PTPRK: variants seen among roughly 807,000 people sequenced by gnomAD.
The protein encoded by PTPRK is receptor-type tyrosine-protein phosphatase kappa.
PTPRK carries 75 observed loss-of-function variants against 178.0 expected under a neutral mutation model. The observed-to-expected ratio is 0.42, with a 90% CI of 0.35 to 0.51. The LOEUF (loss-of-function observed/expected upper bound fraction) is 0.51. Ranked by LOEUF, PTPRK falls within the 20% of genes least tolerant of loss-of-function variation. PTPRK has a pLI of 0.02. For synonymous variants in PTPRK, 637 were observed against 620.6 expected (o/e 1.03, Z -0.39); for missense variants, 1,441 against 1,797.8 (o/e 0.80, Z 3.59).
intron 29 of PTPRK, among the ~76,000 whole-genome samples, chr6:127,970,893 CTATTT>C (rs1773827305): frequency 6.6e-6 from 1 of 151,274 alleles, no homozygotes; most frequent in African/African-American, 2.4e-5. Flanking sequence ...ATTTTTTTCT[CTATTT>C]TATAATGCTA....
intron 1 of PTPRK, among the ~76,000 whole-genome samples, chr6:128,445,669 A>AT (rs1222406002): frequency 1.3e-5 from 2 of 152,064 alleles, no homozygotes; most frequent in Admixed American, 6.6e-5. Flanking sequence ...TATATATTTG[A>AT]TTTTTTTAAA....
intron 3 of PTPRK, among the ~76,000 whole-genome samples, chr6:128,262,928 T>C (rs1472700296): frequency 6.7e-6 from 1 of 150,086 alleles, no homozygotes; most frequent in African/African-American, 2.5e-5. Context: ...CCAATTTTCC[T>C]TGAGTGTTTG....
At chr6:128,118,638 G>A (rs1169762879) in intron 7 of PTPRK, among the ~76,000 whole-genome samples, 6 of 152,112 alleles carry the variant, frequency 3.9e-5, no homozygotes, top group Non-Finnish European at 8.8e-5. Context: ...GAGACAAAAT[G>A]ATGACATCAG....
At chr6:127,984,730 G>T (rs1215822804) in intron 22 of PTPRK, among the ~76,000 whole-genome samples, 1 of 152,130 alleles carries the variant, frequency 6.6e-6, no homozygotes, top group African/African-American at 2.4e-5. Flanking sequence ...TTAAGCAAAA[G>T]ATATTGTGGC....
At chr6:128,502,141 T>C (rs1855649779) in intron 1 of PTPRK, among the ~76,000 whole-genome samples, 1 of 152,210 alleles carries the variant, frequency 6.6e-6, no homozygotes, top group African/African-American at 2.4e-5. Flanking sequence ...GGAAAGATGG[T>C]GTTTAGCATG....
At chr6:128,226,651 T>C (rs1282792927) in intron 5 of PTPRK, among the ~76,000 whole-genome samples, 1 of 150,446 alleles carries the variant, frequency 6.6e-6, no homozygotes, top group Non-Finnish European at 1.5e-5. Flanking sequence ...CCCTACAGAC[T>C]TCAGACTTGC....
At chr6:128,161,761 C>T (rs560927196) in intron 7 of PTPRK, among the ~76,000 whole-genome samples, 2 of 151,518 alleles carry the variant, frequency 1.3e-5, no homozygotes, top group Admixed American at 6.6e-5. Context: ...CTCTTATATG[C>T]TTATATTTGT....
At chr6:128,040,289 A>G (rs1776951563) in intron 13 of PTPRK, among the ~76,000 whole-genome samples, 2 of 152,116 alleles carry the variant, frequency 1.3e-5, no homozygotes, top group East Asian at 1.9e-4. Context: ...AAGCAGTTTT[A>G]TTTATTTTAT....
intron 13 of PTPRK, among the ~76,000 whole-genome samples, chr6:128,043,964 C>A (rs1249346831): frequency 6.6e-6 from 1 of 151,760 alleles, no homozygotes; most frequent in African/African-American, 2.4e-5. Context: ...CTTTTGAAAT[C>A]CCTAAAATGC....
At chr6:128,508,947 C>A (rs529133709) in intron 1 of PTPRK, among the ~76,000 whole-genome samples, 23 of 132,798 alleles carry the variant, frequency 1.7e-4, no homozygotes, top group Admixed American at 2.3e-4. Flanking sequence ...AACTCCATCT[C>A]AAAAAAAAAA....
intron 10 of PTPRK, among the ~76,000 whole-genome samples, chr6:128,079,563 G>C (rs1199262431): frequency 6.6e-6 from 1 of 151,870 alleles, no homozygotes; most frequent in Non-Finnish European, 1.5e-5. Context: ...AGGATCTTGA[G>C]GGGGAAAAAG....
At chr6:128,231,694 C>G (rs1812326064) in intron 5 of PTPRK, among the ~76,000 whole-genome samples, 1 of 152,072 alleles carries the variant, frequency 6.6e-6, no homozygotes, top group Non-Finnish European at 1.5e-5. Flanking sequence ...ATTTTTCACT[C>G]CTACTGAGGA....
At chr6:128,204,970 C>A (rs1562787014) in intron 6 of PTPRK, among the ~76,000 whole-genome samples, 2 of 152,034 alleles carry the variant, frequency 1.3e-5, no homozygotes, top group East Asian at 3.9e-4. Context: ...TGTGTGTGTT[C>A]ATTGCAGCAC....
At chr6:128,054,200 G>C (rs2114886556) in intron 13 of PTPRK, among the ~76,000 whole-genome samples, 1 of 152,298 alleles carries the variant, frequency 6.6e-6, no homozygotes, top group East Asian at 1.9e-4. Flanking sequence ...ATGTTTTCCA[G>C]TCCTATAGCT....
chr6:128,086,783 C>T (rs963513221), intron 8 of PTPRK, among the ~76,000 whole-genome samples: 9 of 151,820 alleles, frequency 5.9e-5, no homozygotes, highest in Admixed American at 1.3e-4. Context: ...GAAGAGTTTA[C>T]GTATCAATCA....
intron 5 of PTPRK, among the ~76,000 whole-genome samples, chr6:128,231,886 T>C (rs1199027838): frequency 6.6e-6 from 1 of 152,218 alleles, no homozygotes; most frequent in East Asian, 1.9e-4. Context: ...TCTCAAATTC[T>C]ATAAAATGGT....
At chr6:128,473,404 A>ATTTTTTTTTTTTTTTTTTTTTTTTTT (rs67418131) in intron 1 of PTPRK, among the ~76,000 whole-genome samples, 5 of 90,874 alleles carry the variant, frequency 5.5e-5, no homozygotes, top group Non-Finnish European at 8.5e-5. Flanking sequence ...TATGGTTACT[A>ATTTTTTTTTTTTTTTTTTTTTTTTTT]TTTTTTTTTT....
intron 7 of PTPRK, among the ~76,000 whole-genome samples, chr6:128,182,699 A>G (rs572766689): frequency 6.6e-6 from 1 of 152,320 alleles, no homozygotes; most frequent in Admixed American, 6.5e-5. Flanking sequence ...CACTCAGAAC[A>G]TAAGTATGGG....
chr6:128,419,526 G>A (rs1843224309), intron 1 of PTPRK, among the ~76,000 whole-genome samples: 1 of 151,816 alleles, frequency 6.6e-6, no homozygotes, highest in Non-Finnish European at 1.5e-5. Flanking sequence ...GGAGAATGGC[G>A]TTAACCCGGG....
Sources: allele counts gnomAD v4.1 joint callset (sites outside exome capture counted in the v4.1 genomes callset), GRCh38; gene constraint gnomAD v4.1.1; transcripts MANE v1.5; gene names NCBI Gene and HGNC (gene_info 2026-07-23, HGNC 2026-07-21).